Variants in SLC22A23 observed in about 807,000 individuals in gnomAD.
SLC22A23 encodes ion transporter protein.
Under a neutral mutation model 61.0 loss-of-function variants are expected in SLC22A23, and 26 were observed. The ratio of observed to expected loss-of-function variants is 0.43; its 90% CI spans 0.31 to 0.59. SLC22A23 has a LOEUF of 0.59. Among genes scored for constraint, SLC22A23 ranks in the 20% least tolerant of loss-of-function variants. The probability of loss-of-function intolerance (pLI) is 0.11; values close to 1 mark genes in which losing one functional copy is unlikely to be tolerated. For synonymous variants in SLC22A23, 430 were observed against 413.9 expected, an observed-to-expected ratio of 1.04 and a Z score of -0.47; for missense variants, 796 against 934.7, an observed-to-expected ratio of 0.85 and a Z score of 1.94.
chr6:3,306,747 G>T (rs1012391030), intron 4 of SLC22A23, among the ~76,000 whole-genome samples: 3 of 151,958 alleles, frequency 2.0e-5, no homozygotes, highest in Admixed American at 6.6e-5. Flanking sequence ...ACCCCAGGTG[G>T]GGGGAGAGAA....
At position 3,415,740 on chromosome 6, in the gene SLC22A23, G is replaced by A. The variant is rs1191195248; in HGVS notation, c.758+12C>T. The A allele has an allele frequency of 6.5e-7, 1 of 1,539,316 alleles. No individual in the cohort carries two copies. Among genetic ancestry groups the A allele is most frequent in the Non-Finnish European group, 8.8e-7 (1 of 1,135,826 alleles). On this transcript the variant is annotated intron_variant, in intron 2 of 9. Coordinates refer to ENST00000406686, the MANE Select transcript of SLC22A23 (RefSeq NM_015482.2). ...CTCCAAAGGTTCGTGCGGCGGGCAT[G>A]TTGGTACTCACCAGTCAGCAATGCA...
intron 1 of SLC22A23, among the ~76,000 whole-genome samples, chr6:3,423,406 T>C (rs909700822): frequency 3.3e-5 from 5 of 152,212 alleles, no homozygotes; most frequent in African/African-American, 4.8e-5. Context: ...CCGATGGCAT[T>C]TGGGGAAGCT....
intron 1 of SLC22A23, among the ~76,000 whole-genome samples, chr6:3,434,747 G>A (rs1433320051): frequency 4.6e-5 from 7 of 152,220 alleles, no homozygotes; most frequent in East Asian, 1.9e-4. Context: ...GACGCGAGGG[G>A]TGTGGCCAAT....
chr6:3,376,900 G>A (rs1385731091), intron 3 of SLC22A23, among the ~76,000 whole-genome samples: 1 of 152,110 alleles, frequency 6.6e-6, no homozygotes, highest in Non-Finnish European at 1.5e-5. Context: ...GAAACAGATA[G>A]AATGTGGCTA....
In SLC22A23 at chr6:3,269,298, A is replaced by G. The variant is rs1011978985; in HGVS notation, c.*3757T>C. 6.6e-6 allele frequency: 1 copy of G among 152,252 alleles called. No homozygotes were observed. Among genetic ancestry groups the G allele is most frequent in the Non-Finnish European group, 1.5e-5 (1 of 68,022 alleles). 9.4% of individuals were successfully genotyped at this position (152,252 alleles called of 1,614,324 possible). Reference sequence around the variant, plus strand: ...CAGAGTGAGAGGCCTCCCTCCACCCACCTCGGGGCGAGTGAAGACACAGCT... The same window carrying G: ...CAGAGTGAGAGGCCTCCCTCCACCCGCCTCGGGGCGAGTGAAGACACAGCT... On this transcript the variant is annotated 3_prime_UTR_variant, in exon 10 of 10. Coordinates refer to ENST00000406686, the MANE Select transcript of SLC22A23 (RefSeq NM_015482.2).
chr6:3,284,485 G>A (rs1435202524), intron 8 of SLC22A23, among the ~76,000 whole-genome samples: 1 of 152,234 alleles, frequency 6.6e-6, no homozygotes, highest in African/African-American at 2.4e-5. Context: ...CCAGGACAGG[G>A]TCTGGCACAG....
Position 3,360,947 on chromosome 6 carries a change from G to A in SLC22A23, c.914-36945C>T, listed in dbSNP as rs145518186. Reference sequence around the variant, plus strand: ...GCGTGGTACTGGGGTGACGAGAGGCGCTAGCGAACATCAGCAGCTGCGGGG... The same window carrying A: ...GCGTGGTACTGGGGTGACGAGAGGCACTAGCGAACATCAGCAGCTGCGGGG... On this transcript the variant is annotated intron_variant, in intron 3 of 9. Coordinates refer to ENST00000406686, the MANE Select transcript of SLC22A23 (RefSeq NM_015482.2). The surrounding 1 kb of genome is among the most constrained non-coding windows in gnomAD (Gnocchi z 4.6). 1.1e-4 allele frequency among the ~76,000 whole-genome samples: 17 copies of A among 152,330 alleles called. No individual in the cohort carries two copies. Among genetic ancestry groups the A allele is most frequent in the South Asian group, 4.1e-4 (2 of 4,826 alleles).
chr6:3,336,750 A>C (rs1484059092), intron 3 of SLC22A23, among the ~76,000 whole-genome samples: 1 of 152,000 alleles, frequency 6.6e-6, no homozygotes, highest in Non-Finnish European at 1.5e-5. Context: ...TTTATTACCC[A>C]ATGTGTTCAG....
In SLC22A23 at chr6:3,410,723, T is replaced by C. The variant is rs1769169895; in HGVS notation, c.759-381A>G. ...CAGCATAAAAAGTCTTGAGAAATCG[T>C]TGACCTTTGGGATTGGATCAAAAGT... On this transcript the variant is annotated intron_variant, in intron 2 of 9. Coordinates refer to ENST00000406686, the MANE Select transcript of SLC22A23 (RefSeq NM_015482.2). The surrounding 1 kb of genome is among the most constrained non-coding windows in gnomAD (Gnocchi z 5.0). 6.6e-6 allele frequency among the ~76,000 whole-genome samples: 1 copy of C among 152,146 alleles called. No individual in the cohort carries two copies. Among genetic ancestry groups the C allele is most frequent in the African/African-American group, 2.4e-5 (1 of 41,424 alleles).
rs574184621 is a variant in SLC22A23 at position 3,288,517 on chromosome 6, A to G, written c.1313+1247T>C. 2.4e-4 allele frequency among the ~76,000 whole-genome samples: 36 copies of G among 152,358 alleles called. 1 individual carries two copies. The highest frequency in any genetic ancestry group is 8.7e-4 in the African/African-American group (36 of 41,578). On this transcript the variant is annotated intron_variant, in intron 6 of 9. Coordinates refer to ENST00000406686, the MANE Select transcript of SLC22A23 (RefSeq NM_015482.2). Reference sequence around the variant, plus strand: ...AGAGTTCCTCTTCTGGCCTGCTGAGATAGCAGGGCAATCTCCTACCTTCTT... The same window carrying G: ...AGAGTTCCTCTTCTGGCCTGCTGAGGTAGCAGGGCAATCTCCTACCTTCTT...
chr6:3,298,001 A>G, intron 5 of SLC22A23, 90 bp downstream of exon 5: 1 of 1,400,642 alleles, frequency 7.1e-7, no homozygotes, highest in Non-Finnish European at 9.3e-7. Context: ...AGCTGGTTAA[A>G]ACAGCTGTTT....
chr6:3,417,415 G>A (rs1338995208), intron 1 of SLC22A23, among the ~76,000 whole-genome samples: 1 of 152,324 alleles, frequency 6.6e-6, no homozygotes, highest in African/African-American at 2.4e-5. Context: ...AGACGGCTTG[G>A]AATTTGCTGT....
intron 1 of SLC22A23, among the ~76,000 whole-genome samples, chr6:3,434,730 C>T (rs185880229): frequency 2.0e-5 from 3 of 152,284 alleles, no homozygotes; most frequent in Admixed American, 6.5e-5. Flanking sequence ...GGCAGCAGAA[C>T]GGAGGAGACG....
chr6:3,319,315 C>G (rs1471651563), intron 4 of SLC22A23, among the ~76,000 whole-genome samples: 5 of 152,162 alleles, frequency 3.3e-5, no homozygotes, highest in Admixed American at 1.3e-4. Flanking sequence ...TTGGCTGATC[C>G]CCTTTGTCTA....
At position 3,298,232 on chromosome 6, in the gene SLC22A23, A is replaced by C; in HGVS notation, c.1083-14T>G. The C allele has an allele frequency of 6.3e-7, 1 of 1,588,626 alleles. No homozygotes were observed. Among genetic ancestry groups the C allele is most frequent in the Non-Finnish European group, 8.5e-7 (1 of 1,169,962 alleles). On this transcript the variant is annotated splice_polypyrimidine_tract_variant and intron_variant, in intron 4 of 9. Coordinates refer to ENST00000406686, the MANE Select transcript of SLC22A23 (RefSeq NM_015482.2). ...TCGGGGAATATCCTTTAAAGACACA[A>C]AGGGGATCAGTGAATGTCTTCCGAT...
chr6:3,338,921 T>C (rs1303654181), intron 3 of SLC22A23, among the ~76,000 whole-genome samples: 1 of 152,144 alleles, frequency 6.6e-6, no homozygotes, highest in Non-Finnish European at 1.5e-5. Flanking sequence ...ATGGGGAACA[T>C]GGAGCAAGAG....
intron 3 of SLC22A23, among the ~76,000 whole-genome samples, chr6:3,399,786 C>A (rs1768255456): frequency 6.6e-6 from 1 of 152,112 alleles, no homozygotes. Flanking sequence ...GATAGAAGAG[C>A]CCTAGGAATG....
chr6:3,393,345 A>G (rs115075317), intron 3 of SLC22A23, among the ~76,000 whole-genome samples: 319 of 152,320 alleles, frequency 2.1e-3, no homozygotes, highest in African/African-American at 7.3e-3. Context: ...CCCATCCAAT[A>G]TAATAGCCAC....
In SLC22A23 at chr6:3,297,951, T is replaced by C. The variant is rs1288244031; in HGVS notation, c.1210+140A>G. ...TGGAGAGAATGTCAAGGTTGCCACA[T>C]TGCCCTTGTGCAGGCCAAAAGGTCA... On this transcript the variant is annotated intron_variant, in intron 5 of 9. Transcript: ENST00000406686. This position sits in a 1 kb window ranked among gnomAD's most constrained non-coding sequence, Gnocchi z 4.3. 1.1e-5 allele frequency: 11 copies of C among 988,444 alleles called. No individual in the cohort carries two copies. Among genetic ancestry groups the C allele is most frequent in the Non-Finnish European group, 8.4e-6 (6 of 714,092 alleles). The allele number at this position is 988,444 out of a possible 1,614,324, so 61.2% of individuals were successfully genotyped here. A position where few individuals can be genotyped will look rare whatever the true frequency, so the allele number is the denominator to read the frequency against.
Sources: gnomAD v4.1 joint callset for allele counts (sites outside exome capture counted in the v4.1 genomes callset) on GRCh38, gnomAD v4.1.1 for gene constraint, Gnocchi (gnomAD v3.1) non-coding constraint, MANE v1.5 for transcripts, NCBI Gene and HGNC (gene_info 2026-07-23, HGNC 2026-07-21) for gene names.